Variants in DTD1 observed in about 807,000 individuals in gnomAD.
The protein encoded by DTD1 is D-tyrosyl-tRNA deacylase 1 homolog.
DTD1 carries 13 observed loss-of-function variants against 25.6 expected under a neutral mutation model. That is an observed-to-expected ratio of 0.51 (90% CI 0.33 to 0.81). The LOEUF (loss-of-function observed/expected upper bound fraction) is 0.81, where lower values mean the gene tolerates loss of function less well. DTD1 is among the 30% of genes least tolerant of loss of function. DTD1 has a pLI of 0.02. For synonymous variants in DTD1, 110 were observed against 103.6 expected (o/e 1.06, Z -0.37); for missense variants, 193 against 266.4 (o/e 0.72, Z 1.92).
intron 4 of DTD1, among the ~76,000 whole-genome samples, chr20:18,687,151 C>G (rs1006345462): frequency 6.6e-6 from 1 of 152,158 alleles, no homozygotes; most frequent in Admixed American, 6.5e-5. Flanking sequence ...TTTAGGGAAC[C>G]ATTTGAGTCA....
At chr20:18,619,509 C>T (rs1165932984) in intron 3 of DTD1, among the ~76,000 whole-genome samples, 1 of 152,094 alleles carries the variant, frequency 6.6e-6, no homozygotes, top group African/African-American at 2.4e-5. Flanking sequence ...ACTGCAACCT[C>T]CGCCTCCTGG....
intron 4 of DTD1, among the ~76,000 whole-genome samples, chr20:18,701,431 C>T (rs2061104143): frequency 1.3e-5 from 2 of 152,334 alleles, no homozygotes; most frequent in South Asian, 2.1e-4. Context: ...CTTTGCCAGA[C>T]CCTGGCCATA....
At chr20:18,699,641 C>G (rs1166961151) in intron 4 of DTD1, among the ~76,000 whole-genome samples, 1 of 152,046 alleles carries the variant, frequency 6.6e-6, no homozygotes, top group Non-Finnish European at 1.5e-5. Flanking sequence ...AGTTTGGAAG[C>G]CTAGTGGGAG....
chr20:18,598,228 G>A (rs547590615), intron 3 of DTD1, among the ~76,000 whole-genome samples: 4 of 152,036 alleles, frequency 2.6e-5, no homozygotes, highest in South Asian at 4.2e-4. Flanking sequence ...AACATGTGGC[G>A]TTTGGTTTTC....
intron 4 of DTD1, among the ~76,000 whole-genome samples, chr20:18,662,940 G>T (rs1395003947): frequency 1.3e-5 from 2 of 151,998 alleles, no homozygotes; most frequent in South Asian, 4.2e-4. Flanking sequence ...TATTGCTTTT[G>T]TTGTGTAGTG....
In DTD1 at chr20:18,603,713, T is replaced by A. The variant is rs2060645632; in HGVS notation, c.370+7472T>A. Among the ~76,000 whole-genome samples, 2 of 133,182 alleles carry A rather than the reference T, an allele frequency of 1.5e-5. 1 individual carries two copies. The highest frequency in any genetic ancestry group is 3.3e-5 in the Non-Finnish European group (2 of 61,270). The allele number at this position is 133,182 out of a possible 152,430, so 87.4% of individuals were successfully genotyped here. On this transcript the variant is annotated intron_variant, in intron 3 of 5. Transcript: ENST00000377452. ...GAAATGAAGGCAGAAATAAAGACGT[T>A]CTTTGAAACCAACGAGAACAAAGAC...
chr20:18,600,961 C>A (rs1307523715), intron 3 of DTD1, among the ~76,000 whole-genome samples: 3 of 152,128 alleles, frequency 2.0e-5, no homozygotes, highest in Non-Finnish European at 4.4e-5. Flanking sequence ...GTAATCACTG[C>A]CTGGTTTCAG....
chr20:18,757,423 C>T (rs2061343623), intron 5 of DTD1, among the ~76,000 whole-genome samples: 1 of 152,110 alleles, frequency 6.6e-6, no homozygotes, highest in Admixed American at 6.6e-5. Flanking sequence ...ATAGATAGCT[C>T]TTATTATTTT....
At chr20:18,588,800 C>G in intron 1 of DTD1, 1 of 985,292 alleles carries the variant, frequency 1.0e-6, no homozygotes, top group Non-Finnish European at 1.2e-6. Context: ...GACCCCTGGT[C>G]ATCACTCAGC....
intron 4 of DTD1, among the ~76,000 whole-genome samples, chr20:18,708,255 T>G (rs1465978393): frequency 5.7e-5 from 2 of 35,390 alleles, no homozygotes; most frequent in Non-Finnish European, 1.0e-4. Flanking sequence ...ATATATATTA[T>G]ATATATATTT....
In DTD1 at chr20:18,673,631, TA is replaced by T. The variant is rs201498274; in HGVS notation, c.477+45405del. Among the ~76,000 whole-genome samples the T allele has an allele frequency of 2.5e-3, 374 of 152,304 alleles. 7 individuals carry two copies. The highest frequency in any genetic ancestry group is 0.02 in the Admixed American group (307 of 15,300). On this transcript the variant is annotated intron_variant, in intron 4 of 5. Transcript: ENST00000377452. ...AGCCTGTTTATGTCTAAAATGACGT[TA>T]AAAAAATACCCTTACAGGAGAGGGA... is the stretch of plus-strand genomic sequence containing the variant.
At chr20:18,747,848 A>C (rs1162832949) in intron 5 of DTD1, among the ~76,000 whole-genome samples, 1 of 101,860 alleles carries the variant, frequency 9.8e-6, no homozygotes, top group Non-Finnish European at 2.3e-5. Flanking sequence ...CGTCTCTATA[A>C]AAAATACAAA....
chr20:18,751,850 T>TG (rs1201185411), intron 5 of DTD1, among the ~76,000 whole-genome samples: 23 of 148,070 alleles, frequency 1.6e-4, no homozygotes, highest in East Asian at 4.0e-4. Context: ...AGTTTTTTTT[T>TG]TTTGTTGTTG....
At chr20:18,711,715 T>G (rs2061159312) in intron 4 of DTD1, among the ~76,000 whole-genome samples, 1 of 152,154 alleles carries the variant, frequency 6.6e-6, no homozygotes, top group Non-Finnish European at 1.5e-5. Context: ...AAGTCCTTCC[T>G]GCTTCATTGT....
At chr20:18,726,228 G>T (rs1278244565) in intron 4 of DTD1, among the ~76,000 whole-genome samples, 3 of 152,172 alleles carry the variant, frequency 2.0e-5, no homozygotes, top group Admixed American at 6.5e-5. Flanking sequence ...TATCTTGATG[G>T]TCTGACCTTC....
intron 4 of DTD1, among the ~76,000 whole-genome samples, chr20:18,665,407 C>T (rs918913954): frequency 3.9e-5 from 6 of 152,374 alleles, no homozygotes; most frequent in Non-Finnish European, 8.8e-5. Flanking sequence ...GGGAAGCTCT[C>T]TTCAGGTATC....
intron 1 of DTD1, among the ~76,000 whole-genome samples, chr20:18,589,771 A>C (rs141891991): frequency 6.6e-6 from 1 of 152,194 alleles, no homozygotes; most frequent in African/African-American, 2.4e-5. Context: ...GTATTCTGTG[A>C]GATGTGCTGA....
At chr20:18,702,346 G>A (rs1388746197) in intron 4 of DTD1, among the ~76,000 whole-genome samples, 1 of 152,112 alleles carries the variant, frequency 6.6e-6, no homozygotes, top group Non-Finnish European at 1.5e-5. Flanking sequence ...GAACCCTTCA[G>A]TTGGGTGCTA....
intron 5 of DTD1, among the ~76,000 whole-genome samples, chr20:18,762,108 G>A (rs2061365392): frequency 6.6e-6 from 1 of 152,182 alleles, no homozygotes; most frequent in Non-Finnish European, 1.5e-5. Context: ...GCTGGGCAGG[G>A]GAATGAGGGC....
Sources: allele counts gnomAD v4.1 joint callset (sites outside exome capture counted in the v4.1 genomes callset), GRCh38; gene constraint gnomAD v4.1.1; transcripts MANE v1.5; gene names NCBI Gene and HGNC (gene_info 2026-07-23, HGNC 2026-07-21).